WDR49: variants seen among roughly 807,000 people sequenced by gnomAD.
The protein encoded by WDR49 is WD repeat domain 49, also known as cilia- and flagella-associated protein 337.
Under a neutral mutation model 119.5 loss-of-function variants are expected in WDR49, and 107 were observed. That is an observed-to-expected ratio of 0.90 (90% CI 0.77 to 1.05). The LOEUF (loss-of-function observed/expected upper bound fraction) is 1.05. Among genes scored for constraint, WDR49 ranks in the 50% least tolerant of loss-of-function variants. The pLI is 0.00. For synonymous variants in WDR49, 425 were observed against 418.8 expected (o/e 1.01, Z -0.18); for missense variants, 1,240 against 1,220.5 (o/e 1.02, Z -0.24).
chr3:167,507,088 T>C (rs1372531040), intron 16 of WDR49, among the ~76,000 whole-genome samples: 1 of 152,202 alleles, frequency 6.6e-6, no homozygotes, highest in Non-Finnish European at 1.5e-5. Context: ...ATAGCTACTG[T>C]ACAGTTACTT....
intron 5 of WDR49, among the ~76,000 whole-genome samples, chr3:167,605,138 A>AT (rs1715994800): frequency 6.6e-6 from 1 of 151,668 alleles, no homozygotes; most frequent in Non-Finnish European, 1.5e-5. Context: ...ATACACAGGT[A>AT]TTTATACATT....
chr3:167,579,281 G>A (rs1714415942), intron 7 of WDR49, among the ~76,000 whole-genome samples: 1 of 152,008 alleles, frequency 6.6e-6, no homozygotes, highest in Admixed American at 6.6e-5. Flanking sequence ...AAAGATTGTG[G>A]CTCACTCTGT....
At chr3:167,516,870 G>T (rs921746062) in intron 16 of WDR49, among the ~76,000 whole-genome samples, 1 of 151,868 alleles carries the variant, frequency 6.6e-6, no homozygotes, top group Admixed American at 6.6e-5. Context: ...AAATTTACAA[G>T]AAAAAAACAA....
intron 2 of WDR49, among the ~76,000 whole-genome samples, chr3:167,631,971 C>G (rs997842806): frequency 7.2e-5 from 11 of 152,036 alleles, no homozygotes; most frequent in Admixed American, 5.2e-4. Flanking sequence ...TATCTTTGTT[C>G]AGTTATTAAA....
chr3:167,579,619 G>T (rs1714435260), intron 7 of WDR49, among the ~76,000 whole-genome samples: 1 of 152,070 alleles, frequency 6.6e-6, no homozygotes, highest in African/African-American at 2.4e-5. Context: ...TCTTGCCAAA[G>T]ATTTTTATTA....
At position 167,605,105 on chromosome 3, in the gene WDR49, C is replaced by T. The variant is rs202090896; in HGVS notation, c.959-637G>A. 5.7e-3 allele frequency among the ~76,000 whole-genome samples: 365 copies of T among 64,204 alleles called. 9 individuals are homozygous for T. The East Asian group carries it at 0.1, about 18-fold the overall frequency. The allele number at this position is 64,204 out of a possible 152,430, so 42.1% of individuals were successfully genotyped here. On this transcript the variant is annotated intron_variant, in intron 5 of 18. Transcript: ENST00000682715. The stretch of plus-strand genomic sequence containing the variant: ...TATTTGTAATATGTGTATATATATA[C>T]ACACACACACACACACACACACATA...
intron 8 of WDR49, among the ~76,000 whole-genome samples, chr3:167,563,370 AAAAAAAAG>A (rs1453011246): frequency 0.011 from 1,569 of 139,538 alleles, 20 homozygotes; most frequent in African/African-American, 0.048. Context: ...AAAAAAAAAA[AAAAAAAAG>A]AAAGAAACCT....
intron 6 of WDR49, among the ~76,000 whole-genome samples, chr3:167,603,686 TC>T (rs1026750299): frequency 6.6e-6 from 1 of 152,190 alleles, no homozygotes; most frequent in African/African-American, 2.4e-5. Flanking sequence ...TTATCAGCTT[TC>T]AGAATGTCTA....
At chr3:167,581,527 T>C (rs1408134386) in intron 7 of WDR49, among the ~76,000 whole-genome samples, 2 of 152,172 alleles carry the variant, frequency 1.3e-5, no homozygotes, top group African/African-American at 4.8e-5. Flanking sequence ...ATTGTGAGGA[T>C]TGAATCAAAG....
In WDR49 at chr3:167,532,876, T is replaced by C. The variant is rs142557148; in HGVS notation, c.2053+3A>G. 156 of 1,606,976 alleles carry C rather than the reference T, an allele frequency of 9.7e-5. No homozygotes were observed. In the East Asian group the frequency reaches 3.0e-3, roughly 31 times the overall value. On this transcript the variant is annotated splice_donor_region_variant and intron_variant, in intron 12 of 18. Coordinates refer to ENST00000682715, the MANE Select transcript of WDR49 (RefSeq NM_001366157.1). ...GTTATTTTCGTTTCAAACTCACACT[T>C]ACCTAATTTTGACTTTAGCAACCTC...
intron 5 of WDR49, among the ~76,000 whole-genome samples, chr3:167,607,169 T>C (rs1034446197): frequency 3.3e-5 from 5 of 152,104 alleles, no homozygotes; most frequent in Admixed American, 6.6e-5. Context: ...GGTCAGGAGG[T>C]TACACTAATA....
intron 7 of WDR49, among the ~76,000 whole-genome samples, chr3:167,577,452 G>T (rs914514866): frequency 3.3e-5 from 5 of 152,006 alleles, no homozygotes; most frequent in African/African-American, 1.2e-4. Context: ...CCCTATCTCT[G>T]TAACCTAGGG....
chr3:167,605,233 G>C (rs1340507502), intron 5 of WDR49, among the ~76,000 whole-genome samples: 1 of 151,962 alleles, frequency 6.6e-6, no homozygotes, highest in Non-Finnish European at 1.5e-5. Context: ...TATTCAATTG[G>C]GCTGTTTCTA....
intron 9 of WDR49, among the ~76,000 whole-genome samples, chr3:167,559,079 G>C (rs958705412): frequency 6.6e-6 from 1 of 152,068 alleles, no homozygotes; most frequent in Admixed American, 6.6e-5. Context: ...AACTTCTACT[G>C]ATTTCCAGAG....
intron 18 of WDR49, among the ~76,000 whole-genome samples, chr3:167,492,322 T>C (rs1393816295): frequency 6.6e-6 from 1 of 152,086 alleles, no homozygotes; most frequent in Non-Finnish European, 1.5e-5. Context: ...TTGAATACTA[T>C]TTGAACAGGG....
Position 167,604,400 on chromosome 3 carries a change from C to A in WDR49, c.1027G>T (p.Ala343Ser). 6.2e-7 allele frequency: 1 copy of A among 1,613,642 alleles called. No individual in the cohort carries two copies. Among genetic ancestry groups the A allele is most frequent in the Non-Finnish European group, 8.5e-7 (1 of 1,179,868 alleles). The stretch of plus-strand genomic sequence containing the variant: ...CGCTTTTTTGATTTCTCTCTCCAAG[C>A]CATCACCACACTATTTGTATTGCTG... The part of the protein sequence containing the change: ...TTSNTNSVVM[A>S]WREKSKKRLN... Residue 343 changes from alanine to serine, a missense_variant, in exon 6 of 19, where the codon GCT becomes TCT. Physicochemically the swap from Ala to Ser is moderately conservative, Grantham distance 99 (BLOSUM62 1). Transcript: ENST00000682715.
At chr3:167,532,854 A>G in intron 12 of WDR49, 25 bp downstream of exon 12, 1 of 1,572,666 alleles carries the variant, frequency 6.4e-7, no homozygotes, top group Non-Finnish European at 8.7e-7. Flanking sequence ...TAGCCATGTT[A>G]TTTTCGTTTC....
At chr3:167,571,855 T>C (rs1713954844) in intron 8 of WDR49, among the ~76,000 whole-genome samples, 1 of 152,214 alleles carries the variant, frequency 6.6e-6, no homozygotes. Context: ...CCATTTACTC[T>C]ATTAAAATTT....
At chr3:167,515,825 T>A (rs1752176011) in intron 16 of WDR49, among the ~76,000 whole-genome samples, 1 of 152,112 alleles carries the variant, frequency 6.6e-6, no homozygotes, top group South Asian at 2.1e-4. Context: ...TCACAAGCAC[T>A]CCTATACACA....
Sources: allele counts gnomAD v4.1 joint callset (sites outside exome capture counted in the v4.1 genomes callset), GRCh38; gene constraint gnomAD v4.1.1; transcripts MANE v1.5; gene names NCBI Gene and HGNC (gene_info 2026-07-23, HGNC 2026-07-21).